The following NRXN3 variants were observed in gnomAD, a reference collection of about 807,000 sequenced individuals.
The protein encoded by NRXN3 is neurexin 3.
Under a neutral mutation model 137.6 loss-of-function variants are expected in NRXN3, and 32 were observed. That is an observed-to-expected ratio of 0.23 (90% CI 0.18 to 0.31). The LOEUF is 0.31. NRXN3 is among the 10% of genes least tolerant of loss of function. The pLI, the probability that NRXN3 is intolerant of heterozygous loss-of-function variation, is 1.00. For synonymous variants in NRXN3, 798 were observed against 784.5 expected (o/e 1.02, Z -0.29); for missense variants, 1,574 against 2,062.5 (o/e 0.76, Z 4.59).
chr14:79,125,529 G>GGT (rs1470486437), intron 15 of NRXN3, among the ~76,000 whole-genome samples: 1 of 152,138 alleles, frequency 6.6e-6, no homozygotes, highest in African/African-American at 2.4e-5. Context: ...TTTGTGCATA[G>GGT]GTAAGCACCT....
At chr14:78,598,070 G>A (rs1167950649) in intron 4 of NRXN3, among the ~76,000 whole-genome samples, 1 of 152,226 alleles carries the variant, frequency 6.6e-6, no homozygotes, top group Non-Finnish European at 1.5e-5. Context: ...AGCCCAGACA[G>A]CCTTACAGAG....
intron 1 of NRXN3, among the ~76,000 whole-genome samples, chr14:78,191,765 C>G (rs11159339): frequency 0.75 from 114,429 of 152,064 alleles, 43,585 homozygotes; most frequent in Middle Eastern, 0.83. Flanking sequence ...AAGCAGACCC[C>G]TAGGTCACTC....
chr14:78,730,728 C>T (rs757725887), intron 8 of NRXN3, among the ~76,000 whole-genome samples: 1 of 152,168 alleles, frequency 6.6e-6, no homozygotes, highest in Non-Finnish European at 1.5e-5. Context: ...GAGAAATGGT[C>T]TTAGCAAGAC....
At chr14:78,365,072 T>A (rs78348169) in intron 4 of NRXN3, among the ~76,000 whole-genome samples, 4,479 of 152,292 alleles carry the variant, frequency 0.029, 254 homozygotes, top group East Asian at 0.28. Flanking sequence ...AAAAAATTAA[T>A]CTACATCTCA....
At chr14:78,887,925 T>A (rs565113866) in intron 10 of NRXN3, among the ~76,000 whole-genome samples, 3 of 152,182 alleles carry the variant, frequency 2.0e-5, no homozygotes, top group African/African-American at 7.2e-5. Context: ...ATGCCTGGGA[T>A]TGGATTCTTG....
chr14:79,741,804 A>ACT (rs1000117748), intron 19 of NRXN3, among the ~76,000 whole-genome samples: 11 of 110,976 alleles, frequency 9.9e-5, no homozygotes, highest in Admixed American at 2.4e-4. Flanking sequence ...TATACATTAC[A>ACT]CACACACACA....
intron 16 of NRXN3, among the ~76,000 whole-genome samples, chr14:79,602,533 C>T (rs1261220439): frequency 5.3e-5 from 8 of 152,134 alleles, no homozygotes; most frequent in Non-Finnish European, 1.0e-4. Flanking sequence ...GATAGCACCC[C>T]AGTAGTGGGA....
At chr14:78,763,648 G>A (rs571077148) in intron 8 of NRXN3, among the ~76,000 whole-genome samples, 4 of 152,248 alleles carry the variant, frequency 2.6e-5, no homozygotes, top group Non-Finnish European at 5.9e-5. Flanking sequence ...AGGCCCAGAT[G>A]GAGGATATAG....
chr14:79,789,716 C>T (rs766318783), intron 19 of NRXN3, among the ~76,000 whole-genome samples: 2 of 152,172 alleles, frequency 1.3e-5, no homozygotes, highest in African/African-American at 2.4e-5. Context: ...TCACTCTCAT[C>T]GCCATCTTGG....
intron 10 of NRXN3, among the ~76,000 whole-genome samples, chr14:78,865,381 GA>G (rs2152544696): frequency 6.6e-6 from 1 of 152,320 alleles, no homozygotes; most frequent in South Asian, 2.1e-4. Context: ...GTAAAAGTAA[GA>G]AGGTTCAATG....
chr14:79,832,473 G>T (rs563248461), intron 20 of NRXN3, among the ~76,000 whole-genome samples: 3 of 152,088 alleles, frequency 2.0e-5, no homozygotes, highest in Non-Finnish European at 4.4e-5. Flanking sequence ...TTCTTTAAAC[G>T]GTGGTTCTAA....
At chr14:78,234,684 C>T (rs1409661629) in intron 1 of NRXN3, among the ~76,000 whole-genome samples, 1 of 152,198 alleles carries the variant, frequency 6.6e-6, no homozygotes, top group East Asian at 1.9e-4. Context: ...GGTCCACCTC[C>T]TTATATTATT....
intron 19 of NRXN3, among the ~76,000 whole-genome samples, chr14:79,740,712 TTATATATATATATA>T (rs869216055): frequency 5.9e-3 from 95 of 16,130 alleles, no homozygotes; most frequent in East Asian, 0.013. Context: ...ATTTAGTTTT[TTATATATATATATA>T]TATATATATA....
chr14:79,089,270 C>A lies in NRXN3; in HGVS notation c.3262+101129C>A, dbSNP rs992574015. On this transcript the variant is annotated intron_variant, in intron 15 of 20. Coordinates refer to ENST00000335750, the MANE Select transcript of NRXN3 (RefSeq NM_001330195.2). ...AACAATATATTTATAATTTACATACCAAATAAGTGAAACGTAAGGAAAAAA... is the reference window on the plus strand; with the variant it reads ...AACAATATATTTATAATTTACATACAAAATAAGTGAAACGTAAGGAAAAAA... Among the ~76,000 whole-genome samples the A allele has an allele frequency of 4.0e-5, 6 of 151,850 alleles. No individual in the cohort carries two copies. The East Asian group carries it at 1.2e-3, about 29-fold the overall frequency.
chr14:79,528,673 GT>G (rs199974422), intron 16 of NRXN3, among the ~76,000 whole-genome samples: 3 of 150,414 alleles, frequency 2.0e-5, no homozygotes, highest in Admixed American at 1.3e-4. Flanking sequence ...AAAAAAAGTA[GT>G]TTTTTTTTAT....
chr14:78,784,078 AAAAC>A (rs1399643362), intron 8 of NRXN3, among the ~76,000 whole-genome samples: 2 of 151,940 alleles, frequency 1.3e-5, no homozygotes, highest in East Asian at 3.9e-4. Flanking sequence ...AAAAAAAAAA[AAAAC>A]AACACCAAAC....
chr14:78,605,800 T>G (rs1321166630), intron 4 of NRXN3, among the ~76,000 whole-genome samples: 1 of 152,228 alleles, frequency 6.6e-6, no homozygotes, highest in East Asian at 1.9e-4. Flanking sequence ...AGCTTCAGTT[T>G]TCATTGGTGT....
intron 4 of NRXN3, among the ~76,000 whole-genome samples, chr14:78,591,043 G>A (rs1227661473): frequency 3.3e-5 from 5 of 152,226 alleles, no homozygotes; most frequent in South Asian, 2.1e-4. Context: ...ACAGTGATGC[G>A]TAGAGACCCC....
chr14:79,167,719 C>A (rs1203520425), intron 15 of NRXN3, among the ~76,000 whole-genome samples: 1 of 151,646 alleles, frequency 6.6e-6, no homozygotes, highest in African/African-American at 2.4e-5. Flanking sequence ...GTCTTCTCAC[C>A]TCTGGTTCAC....
Sources: gnomAD v4.1 joint callset for allele counts (sites outside exome capture counted in the v4.1 genomes callset) on GRCh38, gnomAD v4.1.1 for gene constraint, MANE v1.5 for transcripts, NCBI Gene and HGNC (gene_info 2026-07-23, HGNC 2026-07-21) for gene names.